Variants in SCAPER observed in about 807,000 individuals in gnomAD.
The protein encoded by SCAPER is S phase cyclin A-associated protein in the endoplasmic reticulum.
SCAPER carries 98 observed loss-of-function variants against 182.2 expected under a neutral mutation model. The observed-to-expected ratio is 0.54, with a 90% CI of 0.46 to 0.64. The LOEUF is 0.64. Ranked by LOEUF, SCAPER falls within the 30% of genes least tolerant of loss-of-function variation. The probability of loss-of-function intolerance (pLI) is 0.00; values close to 1 mark genes in which losing one functional copy is unlikely to be tolerated. For missense variants in SCAPER, 1,432 were observed against 1,690.0 expected (o/e 0.85, Z 2.68); for synonymous variants, 605 against 564.6 (o/e 1.07, Z -1.01).
chr15:76,580,059 C>T (rs1302472325), intron 22 of SCAPER, among the ~76,000 whole-genome samples: 7 of 151,976 alleles, frequency 4.6e-5, no homozygotes, highest in Admixed American at 4.6e-4. Flanking sequence ...AGACAGACCC[C>T]AATACAGTAA....
intron 26 of SCAPER, among the ~76,000 whole-genome samples, chr15:76,422,571 A>T (rs2046120990): frequency 3.3e-5 from 5 of 152,200 alleles, no homozygotes; most frequent in Admixed American, 3.3e-4. Flanking sequence ...GCAAACAGGG[A>T]CAACTTGACT....
At chr15:76,360,461 T>A (rs1475830032) in intron 29 of SCAPER, among the ~76,000 whole-genome samples, 2 of 152,210 alleles carry the variant, frequency 1.3e-5, no homozygotes, top group African/African-American at 4.8e-5. Flanking sequence ...TTATTCCAAA[T>A]GCTAGATTCT....
chr15:76,612,380 G>T (rs1035729084), intron 22 of SCAPER, among the ~76,000 whole-genome samples: 1 of 152,130 alleles, frequency 6.6e-6, no homozygotes, highest in Non-Finnish European at 1.5e-5. Context: ...TGAACTACAG[G>T]TGAAAGCCAC....
chr15:76,535,521 C>CA (rs56660301), intron 23 of SCAPER, among the ~76,000 whole-genome samples: 14,752 of 46,472 alleles, frequency 0.32, 4,040 homozygotes, highest in East Asian at 0.47. Context: ...GACTCTGTCT[C>CA]AAAAAAAAAA....
intron 22 of SCAPER, among the ~76,000 whole-genome samples, 197 bp downstream of exon 22, chr15:76,621,567 C>A (rs144505047): frequency 6.6e-6 from 1 of 152,316 alleles, no homozygotes; most frequent in East Asian, 1.9e-4. Context: ...CCAAGTTGTG[C>A]TCACAAGAAC....
intron 1 of SCAPER, among the ~76,000 whole-genome samples, chr15:76,896,810 G>A (rs1433855492): frequency 1.3e-5 from 2 of 152,142 alleles, no homozygotes; most frequent in Non-Finnish European, 2.9e-5. Context: ...GCCAGGCGTG[G>A]TGGCACGCAC....
At chr15:76,672,463 CA>C (rs1241017766) in intron 20 of SCAPER, among the ~76,000 whole-genome samples, 5 of 151,788 alleles carry the variant, frequency 3.3e-5, no homozygotes, top group African/African-American at 1.2e-4. Flanking sequence ...GAAACACACA[CA>C]AAAAATGATA....
At chr15:76,551,450 C>T (rs2045763081) in intron 23 of SCAPER, among the ~76,000 whole-genome samples, 1 of 151,978 alleles carries the variant, frequency 6.6e-6, no homozygotes, top group Non-Finnish European at 1.5e-5. Flanking sequence ...GTGAAATATG[C>T]CAGGCAGAGA....
At chr15:76,671,986 G>A (rs542124513) in intron 20 of SCAPER, among the ~76,000 whole-genome samples, 1 of 152,176 alleles carries the variant, frequency 6.6e-6, no homozygotes. Context: ...TAGGAGGTGA[G>A]TAAATGGTCC....
intron 21 of SCAPER, among the ~76,000 whole-genome samples, chr15:76,651,210 T>C (rs1186106324): frequency 6.6e-6 from 1 of 152,100 alleles, no homozygotes; most frequent in East Asian, 1.9e-4. Flanking sequence ...AATTTGTTAT[T>C]TCAAAAGATT....
intron 21 of SCAPER, among the ~76,000 whole-genome samples, chr15:76,623,518 C>T (rs1244115676): frequency 6.6e-6 from 1 of 152,076 alleles, no homozygotes; most frequent in Non-Finnish European, 1.5e-5. Flanking sequence ...TTCTTCATTG[C>T]TTATTTTTGT....
chr15:76,629,242 C>T (rs560545490), intron 21 of SCAPER, among the ~76,000 whole-genome samples: 1 of 152,216 alleles, frequency 6.6e-6, no homozygotes, highest in East Asian at 1.9e-4. Context: ...TATTTGAATA[C>T]ACTTTATTTT....
intron 30 of SCAPER, 50 bp downstream of exon 30, chr15:76,353,899 G>T (rs371336395): frequency 7.3e-5 from 103 of 1,408,178 alleles, no homozygotes; most frequent in South Asian, 4.6e-4. Context: ...CATTTCTGTC[G>T]CATTAGTTTA....
chr15:76,838,788 A>ACACAAC (rs1442993059), intron 5 of SCAPER, among the ~76,000 whole-genome samples: 1 of 152,214 alleles, frequency 6.6e-6, no homozygotes, highest in East Asian at 1.9e-4. Flanking sequence ...CAGAGACACC[A>ACACAAC]AAATCAGTCC....
At chr15:76,710,475 G>A (rs1020626389) in intron 17 of SCAPER, among the ~76,000 whole-genome samples, 1 of 152,074 alleles carries the variant, frequency 6.6e-6, no homozygotes, top group African/African-American at 2.4e-5. Context: ...AAAATCTACT[G>A]TATTTCTACA....
chr15:76,417,836 G>A (rs1273313589), intron 26 of SCAPER, among the ~76,000 whole-genome samples: 7 of 152,180 alleles, frequency 4.6e-5, no homozygotes, highest in African/African-American at 1.2e-4. Flanking sequence ...TGGCCAACAT[G>A]GTGAAACCCT....
At chr15:76,681,176 AG>A (rs1422870394) in intron 20 of SCAPER, among the ~76,000 whole-genome samples, 2 of 152,302 alleles carry the variant, frequency 1.3e-5, no homozygotes, top group Admixed American at 1.3e-4. Context: ...TATACCTCAA[AG>A]CTCTCTACTG....
Position 76,376,299 on chromosome 15 carries a change from C to T in SCAPER, c.3718G>A (p.Ala1240Thr), listed in dbSNP as rs2042560318. 1 of 1,612,498 alleles carries T rather than the reference C, an allele frequency of 6.2e-7. No homozygotes were observed. Among genetic ancestry groups the T allele is most frequent in the Non-Finnish European group, 8.5e-7 (1 of 1,179,104 alleles). ...CGGAATGCAAGGGACAAGCCCTCTG[C>T]CCCTACAATAGACTGACAAAGACAA... ...HLPAFQSIVG[A>T]EGLSLAFRHM... Residue 1240 changes from alanine to threonine, a missense_variant, in exon 29 of 32, where the codon GCA (alanine) becomes ACA (threonine). Physicochemically the swap from Ala to Thr is moderately conservative, Grantham distance 58. Transcript: ENST00000563290.
chr15:76,642,460 T>C (rs2054175588), intron 21 of SCAPER, among the ~76,000 whole-genome samples: 1 of 152,198 alleles, frequency 6.6e-6, no homozygotes, highest in Non-Finnish European at 1.5e-5. Context: ...ATAATCAATA[T>C]ATCATCCAAA....
Sources: allele counts gnomAD v4.1 joint callset (sites outside exome capture counted in the v4.1 genomes callset), GRCh38; gene constraint gnomAD v4.1.1; transcripts MANE v1.5; gene names NCBI Gene and HGNC (gene_info 2026-07-23, HGNC 2026-07-21).